CPS1: variants seen among roughly 807,000 people sequenced by gnomAD.
CPS1 encodes the protein carbamoyl-phosphate synthase 1, also known as carbamoyl-phosphate synthase [ammonia], mitochondrial.
Under a neutral mutation model 174.6 loss-of-function variants are expected in CPS1, and 109 were observed. That is an observed-to-expected ratio of 0.62 (90% CI 0.53 to 0.73). CPS1 has a LOEUF of 0.73. Ranked by LOEUF, CPS1 falls within the 30% of genes least tolerant of loss-of-function variation. The pLI is 0.00. For synonymous variants in CPS1, 637 were observed against 632.0 expected (o/e 1.01, Z -0.12); for missense variants, 1,689 against 1,821.9 (o/e 0.93, Z 1.33).
chr2:210,660,800 G>C, intron 32 of CPS1, 145 bp downstream of exon 32: 1 of 840,114 alleles, frequency 1.2e-6, no homozygotes, highest in East Asian at 2.7e-5. Context: ...ATAATGTACT[G>C]CAGTTGTACT....
At chr2:210,658,463 T>C (rs1700796903) in intron 30 of CPS1, 136 bp from the exon 31 acceptor site, 2 of 673,720 alleles carry the variant, frequency 3.0e-6, no homozygotes, top group South Asian at 1.6e-5. Flanking sequence ...TCCATTATAA[T>C]TATTAATGTA....
chr2:210,530,197 G>A (rs1359129938), intron 1 of CPS1, among the ~76,000 whole-genome samples: 1 of 151,962 alleles, frequency 6.6e-6, no homozygotes, highest in African/African-American at 2.4e-5. Context: ...TGTACAAATG[G>A]CTTGTTCTAT....
intron 1 of CPS1, among the ~76,000 whole-genome samples, chr2:210,502,428 A>G (rs1695166064): frequency 7.0e-6 from 1 of 143,242 alleles, no homozygotes. Flanking sequence ...TATATATAAA[A>G]GAGAGATATA....
chr2:210,606,939 T>C lies in CPS1; in HGVS notation c.2190T>C (p.Thr730=), dbSNP rs1313625122. The change falls in exon 18 of 38, where the codon ACT becomes ACC. Residue 730 remains threonine (T), a splice_region_variant and synonymous_variant. Coordinates refer to ENST00000233072, the MANE Select transcript of CPS1 (RefSeq NM_001875.5). ...GCTCTGCTCTGGCCTCAAAAGCCAC[T>C]GGGTAAGACCAGAATAATTGACCAT... ...SRSSALASKA[T]GYPLAFIAAK... The C allele has an allele frequency of 6.2e-7, 1 of 1,611,618 alleles. No homozygotes were observed. The highest frequency in any genetic ancestry group is 1.7e-5 in the Admixed American group (1 of 59,822).
intron 1 of CPS1, among the ~76,000 whole-genome samples, chr2:210,546,412 G>A (rs1696566652): frequency 6.6e-6 from 1 of 152,112 alleles, no homozygotes; most frequent in Non-Finnish European, 1.5e-5. Context: ...GTTAAGCAGT[G>A]TGGAGCTATT....
intron 1 of CPS1, among the ~76,000 whole-genome samples, chr2:210,496,769 G>T (rs965987412): frequency 7.2e-5 from 11 of 152,078 alleles, no homozygotes; most frequent in Non-Finnish European, 1.5e-4. Flanking sequence ...TGCTTGAGAC[G>T]TTTGTCCCAC....
chr2:210,614,804 T>C (rs1433610337), intron 20 of CPS1, among the ~76,000 whole-genome samples: 1 of 151,616 alleles, frequency 6.6e-6, no homozygotes, highest in Non-Finnish European at 1.5e-5. Flanking sequence ...AAGTACCACA[T>C]GTTCTCACTC....
intron 1 of CPS1, among the ~76,000 whole-genome samples, chr2:210,549,526 A>C (rs889157399): frequency 6.6e-6 from 1 of 152,078 alleles, no homozygotes; most frequent in Non-Finnish European, 1.5e-5. Context: ...TAGTTTCTTT[A>C]CTAGTTGTTC....
chr2:210,628,694 G>A (rs374724568), intron 21 of CPS1, among the ~76,000 whole-genome samples: 30 of 151,944 alleles, frequency 2.0e-4, no homozygotes, highest in Non-Finnish European at 3.4e-4. Flanking sequence ...CAGCTACTTC[G>A]GAGACTGAGG....
At position 210,650,456 on chromosome 2, in the gene CPS1, T is replaced by C; in HGVS notation, c.3480+18T>C. ...TTTCTCAGGTAGTGTCCAATTTCTTTGTAGTGACTGTTATCTCTTAATAAA... is the reference window on the plus strand; with the variant it reads ...TTTCTCAGGTAGTGTCCAATTTCTTCGTAGTGACTGTTATCTCTTAATAAA... On this transcript the variant is annotated intron_variant, in intron 28 of 37. Transcript: ENST00000233072. 6.5e-7 allele frequency: 1 copy of C among 1,528,298 alleles called. No individual in the cohort carries two copies. The allele number at this position is 1,528,298 out of a possible 1,614,324, so 94.7% of individuals were successfully genotyped here.
chr2:210,646,594 GAC>G (rs1325226784), intron 25 of CPS1, among the ~76,000 whole-genome samples: 2 of 152,080 alleles, frequency 1.3e-5, no homozygotes, highest in African/African-American at 4.8e-5. Context: ...GGGTCATTAG[GAC>G]ACACACAAAT....
At chr2:210,661,833 G>A (rs1008432171) in intron 32 of CPS1, among the ~76,000 whole-genome samples, 1 of 150,464 alleles carries the variant, frequency 6.6e-6, no homozygotes, top group Non-Finnish European at 1.5e-5. Flanking sequence ...AGTTATAGGA[G>A]TATGCTTATT....
intron 1 of CPS1, among the ~76,000 whole-genome samples, chr2:210,549,096 G>A (rs1428600434): frequency 6.6e-6 from 1 of 151,956 alleles, no homozygotes; most frequent in South Asian, 2.1e-4. Flanking sequence ...AAGACATGTT[G>A]CACCACATGC....
chr2:210,507,786 A>G (rs1416184785), intron 1 of CPS1, among the ~76,000 whole-genome samples: 2 of 152,232 alleles, frequency 1.3e-5, no homozygotes, highest in African/African-American at 2.4e-5. Context: ...AAAGAAGGCC[A>G]TTACATGATG....
chr2:210,516,912 C>T lies in CPS1; in HGVS notation c.3+39146C>T, dbSNP rs1044936348. Among the ~76,000 whole-genome samples, 55 of 151,932 alleles carry T rather than the reference C, an allele frequency of 3.6e-4. 1 individual carries two copies. Among genetic ancestry groups the T allele is most frequent in the Admixed American group, 2.7e-3 (41 of 15,218 alleles). ...CATCTCTTTACCACATCTATGATAT[C>T]AGGCTTTTCTTATTCCATATCAGTT... is the stretch of plus-strand genomic sequence containing the variant. On this transcript the variant is annotated intron_variant, in intron 1 of 38. Coordinates refer to the CPS1 transcript ENST00000430249.
At chr2:210,527,297 T>G (rs1015979471) in intron 1 of CPS1, among the ~76,000 whole-genome samples, 2 of 151,868 alleles carry the variant, frequency 1.3e-5, no homozygotes, top group Non-Finnish European at 2.9e-5. Context: ...ATAAGGGACC[T>G]CCAGCTAACT....
chr2:210,555,522 G>A (rs574718454), upstream of CPS1: 226 of 430,626 alleles, frequency 5.2e-4, no homozygotes, highest in African/African-American at 4.2e-3. Context: ...TTAAGTAAGC[G>A]TGAGGACTTA....
chr2:210,657,327 T>TG (rs1300051286), intron 30 of CPS1: 1 of 151,344 alleles, frequency 6.6e-6, no homozygotes, highest in African/African-American at 2.4e-5. Flanking sequence ...TTTTTTTTTT[T>TG]GGAGACGGAG....
At chr2:210,666,961 A>G (rs1373455344) in intron 33 of CPS1, among the ~76,000 whole-genome samples, 1 of 152,224 alleles carries the variant, frequency 6.6e-6, no homozygotes, top group Non-Finnish European at 1.5e-5. Context: ...ACCCATGAGC[A>G]TGGAATGTTC....
Sources: allele counts gnomAD v4.1 joint callset (sites outside exome capture counted in the v4.1 genomes callset), GRCh38; gene constraint gnomAD v4.1.1; transcripts MANE v1.5; gene names NCBI Gene and HGNC (gene_info 2026-07-23, HGNC 2026-07-21).